Variants in NLGN1 observed in about 807,000 individuals in gnomAD.
NLGN1 encodes neuroligin 1.
NLGN1 carries 12 observed loss-of-function variants against 65.5 expected under a neutral mutation model. That is an observed-to-expected ratio of 0.18 (90% CI 0.12 to 0.30). The LOEUF (loss-of-function observed/expected upper bound fraction) is 0.30, where lower values mean the gene tolerates loss of function less well. Ranked by LOEUF, NLGN1 falls within the 10% of genes least tolerant of loss-of-function variation. The probability of loss-of-function intolerance (pLI) is 1.00; values close to 1 mark genes in which losing one functional copy is unlikely to be tolerated. For synonymous variants in NLGN1, 350 were observed against 359.5 expected, an observed-to-expected ratio of 0.97 and a Z score of 0.30; for missense variants, 750 against 1,007.1, an observed-to-expected ratio of 0.74 and a Z score of 3.46.
chr3:173,421,237 A>C (rs566158055), intron 1 of NLGN1, among the ~76,000 whole-genome samples: 1 of 152,108 alleles, frequency 6.6e-6, no homozygotes, highest in Admixed American at 6.5e-5. Context: ...TAGAAAAGTT[A>C]TTTATTTGGA....
At chr3:174,173,355 C>G (rs1470339267) in intron 4 of NLGN1, among the ~76,000 whole-genome samples, 1 of 151,862 alleles carries the variant, frequency 6.6e-6, no homozygotes, top group Non-Finnish European at 1.5e-5. Flanking sequence ...TCAAATAATA[C>G]TGGTGAAAGC....
At chr3:174,070,593 G>A (rs1247310229) in intron 4 of NLGN1, among the ~76,000 whole-genome samples, 1 of 151,932 alleles carries the variant, frequency 6.6e-6, no homozygotes, top group Non-Finnish European at 1.5e-5. Context: ...GCAATCCAAA[G>A]TGTTGGGATT....
chr3:173,586,198 T>C (rs1349677757), intron 2 of NLGN1, among the ~76,000 whole-genome samples: 1 of 151,932 alleles, frequency 6.6e-6, no homozygotes, highest in East Asian at 1.9e-4. Flanking sequence ...TGGAATAAAA[T>C]GGAGATAGAT....
chr3:173,550,430 A>G, intron 2 of NLGN1, among the ~76,000 whole-genome samples: 1 of 152,116 alleles, frequency 6.6e-6, no homozygotes, highest in East Asian at 1.9e-4. Context: ...CTCAAGTTCA[A>G]GAAGAGCAGG....
chr3:173,657,422 A>G (rs1760229110), intron 3 of NLGN1, among the ~76,000 whole-genome samples: 1 of 151,948 alleles, frequency 6.6e-6, no homozygotes, highest in African/African-American at 2.4e-5. Flanking sequence ...TCTGCAGTCT[A>G]GCTTCTAAAA....
At chr3:173,430,763 A>G (rs901734819) in intron 1 of NLGN1, among the ~76,000 whole-genome samples, 1 of 152,172 alleles carries the variant, frequency 6.6e-6, no homozygotes, top group Non-Finnish European at 1.5e-5. Context: ...TGTTAAAAAC[A>G]GTCTGGCATC....
intron 1 of NLGN1, chr3:173,399,595 G>T (rs1015273782): frequency 6.6e-6 from 1 of 152,138 alleles, no homozygotes; most frequent in Non-Finnish European, 1.5e-5. Context: ...GTGTTGGAAG[G>T]CCTGATGACC....
In NLGN1 at chr3:173,533,187, A is replaced by G. The variant is rs549246896; in HGVS notation, c.-320-71092A>G. The stretch of plus-strand genomic sequence containing the variant: ...CTGATTAGAGCTTAGTTATTATTGG[A>G]TAACTCACACAAAACTGTTATACTT... On this transcript the variant is annotated intron_variant, in intron 2 of 6. Coordinates refer to ENST00000457714, the Ensembl canonical transcript of NLGN1. 2.0e-5 allele frequency among the ~76,000 whole-genome samples: 3 copies of G among 152,332 alleles called. No individual in the cohort carries two copies. In the South Asian group the frequency reaches 6.2e-4, roughly 32 times the overall value.
At chr3:173,772,811 A>C (rs1779770874) in intron 3 of NLGN1, among the ~76,000 whole-genome samples, 1 of 151,916 alleles carries the variant, frequency 6.6e-6, no homozygotes. Flanking sequence ...GTATTCACTG[A>C]GTGTATTATT....
At chr3:173,631,064 C>T (rs1337567401) in intron 3 of NLGN1, among the ~76,000 whole-genome samples, 5 of 152,102 alleles carry the variant, frequency 3.3e-5, no homozygotes, top group Non-Finnish European at 5.9e-5. Flanking sequence ...TTTGTGATCT[C>T]TTCTGATTGG....
At chr3:173,927,630 T>C (rs1483020936) in intron 4 of NLGN1, among the ~76,000 whole-genome samples, 3 of 152,198 alleles carry the variant, frequency 2.0e-5, no homozygotes. Flanking sequence ...CCCTGGAAAG[T>C]TAGCATTTGC....
chr3:173,874,214 G>C (rs181496928), intron 4 of NLGN1, among the ~76,000 whole-genome samples: 1 of 152,300 alleles, frequency 6.6e-6, no homozygotes. Context: ...GCAGTCAAGA[G>C]ACTTTCCAGT....
chr3:173,528,729 C>T (rs1736062423), intron 2 of NLGN1, among the ~76,000 whole-genome samples: 1 of 152,126 alleles, frequency 6.6e-6, no homozygotes, highest in Non-Finnish European at 1.5e-5. Flanking sequence ...TTGGTCTAGT[C>T]TACTCTTAAA....
chr3:173,941,307 C>T (rs9829965), intron 4 of NLGN1, among the ~76,000 whole-genome samples: 46,909 of 151,450 alleles, frequency 0.31, 8,586 homozygotes, highest in African/African-American at 0.51. Flanking sequence ...GTGACAAACA[C>T]AAAGGAAATT....
At chr3:173,615,292 T>C (rs1577548574) in intron 3 of NLGN1, among the ~76,000 whole-genome samples, 1 of 152,124 alleles carries the variant, frequency 6.6e-6, no homozygotes, top group Non-Finnish European at 1.5e-5. Context: ...GTTTCCCAGT[T>C]TGGCTGTTTC....
intron 4 of NLGN1, among the ~76,000 whole-genome samples, chr3:174,035,588 C>T (rs1051860425): frequency 3.9e-5 from 6 of 152,156 alleles, no homozygotes; most frequent in African/African-American, 1.4e-4. Context: ...GTGCTTAGCA[C>T]ATTTTATCTG....
chr3:173,817,245 G>A (rs1318393397), intron 4 of NLGN1, among the ~76,000 whole-genome samples: 1 of 152,210 alleles, frequency 6.6e-6, no homozygotes, highest in Non-Finnish European at 1.5e-5. Context: ...AAAAACATAG[G>A]CAGCAGGCTG....
chr3:173,594,784 T>C (rs1749168096), intron 2 of NLGN1, among the ~76,000 whole-genome samples: 1 of 152,188 alleles, frequency 6.6e-6, no homozygotes, highest in South Asian at 2.1e-4. Context: ...AGGTGGAGGT[T>C]CCCAAACCTC....
At chr3:173,724,604 C>T (rs975445369) in intron 3 of NLGN1, 3 of 152,762 alleles carry the variant, frequency 2.0e-5, no homozygotes, top group African/African-American at 7.2e-5. Flanking sequence ...ACTAGTTCAA[C>T]CATTGTGGAA....
Sources: allele counts gnomAD v4.1 joint callset (sites outside exome capture counted in the v4.1 genomes callset), GRCh38; gene constraint gnomAD v4.1.1; transcripts MANE v1.5; gene names NCBI Gene and HGNC (gene_info 2026-07-23, HGNC 2026-07-21).